Variants in ARHGEF11 observed in about 807,000 individuals in gnomAD.
ARHGEF11 encodes Rho guanine nucleotide exchange factor 11.
Under a neutral mutation model 193.7 loss-of-function variants are expected in ARHGEF11, and 55 were observed. That is an observed-to-expected ratio of 0.28 (90% CI 0.23 to 0.36). The LOEUF (loss-of-function observed/expected upper bound fraction) is 0.36. ARHGEF11 is among the 10% of genes least tolerant of loss of function. The pLI is 1.00. For synonymous variants in ARHGEF11, 693 were observed against 768.0 expected (o/e 0.90, Z 1.62); for missense variants, 1,723 against 2,005.6 (o/e 0.86, Z 2.69).
At chr1:157,025,769 A>T (rs973204051) in intron 1 of ARHGEF11, among the ~76,000 whole-genome samples, 4 of 152,088 alleles carry the variant, frequency 2.6e-5, no homozygotes, top group Non-Finnish European at 4.4e-5. Context: ...AGCTGGAAAG[A>T]TCTGTCAAAA....
At chr1:156,996,848 CCTCT>C (rs1313073211) in intron 1 of ARHGEF11, among the ~76,000 whole-genome samples, 45 of 139,862 alleles carry the variant, frequency 3.2e-4, no homozygotes, top group East Asian at 1.4e-3. Context: ...AGCTTAGGAA[CCTCT>C]CTCTCTATTT....
rs1300460318 is a variant in ARHGEF11, at chr1:157,044,797, G to A, written c.-467C>T. 8.7e-6 allele frequency: 3 copies of A among 344,422 alleles called. No individual in the cohort carries two copies. Among genetic ancestry groups the A allele is most frequent in the East Asian group, 8.8e-5 (2 of 22,830 alleles). 21.3% of individuals were successfully genotyped at this position (344,422 alleles called of 1,614,324 possible). ...GGCAAGAGACCCTCTAGCTCAAAGG[G>A]GGAAAGTAATTTTCTAGTCTCCAAT... On this transcript the variant is annotated 5_prime_UTR_variant, in exon 1 of 41. Transcript: ENST00000368194.
At chr1:156,956,139 C>T (rs1429092477) in intron 19 of ARHGEF11, among the ~76,000 whole-genome samples, 1 of 152,114 alleles carries the variant, frequency 6.6e-6, no homozygotes, top group Non-Finnish European at 1.5e-5. Flanking sequence ...TTTTTTCAGA[C>T]AGAGTCTCAC....
chr1:156,950,266 G>C (rs976814111), intron 22 of ARHGEF11, among the ~76,000 whole-genome samples: 1 of 152,018 alleles, frequency 6.6e-6, no homozygotes, highest in Non-Finnish European at 1.5e-5. Flanking sequence ...GCTGAAAAAA[G>C]GCTTCATATA....
At chr1:156,979,555 G>A (rs148315705) in intron 4 of ARHGEF11, among the ~76,000 whole-genome samples, 2,286 of 152,078 alleles carry the variant, frequency 0.015, 64 homozygotes, top group African/African-American at 0.053. Context: ...TAGGAGAGAT[G>A]GGGTTTCACT....
Position 156,971,794 on chromosome 1 carries a change from C to G in ARHGEF11, c.605G>C (p.Arg202Pro). ...CTCTTCCAGTAGGCTGGCGGGGTTC[C>G]GGCTATAGACCTCACAGATACGCTA... is the stretch of plus-strand genomic sequence containing the variant. ...ELQRICEVYS[R>P]NPASLLEEQI... Residue 202 changes from arginine to proline, a missense_variant, in exon 8 of 41, where the codon CGG becomes CCG. Physicochemically the swap from Arg to Pro is moderately radical, Grantham distance 103. This residue lies in a region of ARHGEF11 where 646 missense variants were observed against 710.7 expected (regional missense o/e 0.91). Transcript: ENST00000368194. 6.2e-7 allele frequency: 1 copy of G among 1,613,492 alleles called. No homozygotes were observed. Among genetic ancestry groups the G allele is most frequent in the South Asian group, 1.1e-5 (1 of 91,050 alleles).
chr1:157,010,197 C>A (rs541357632), intron 1 of ARHGEF11, among the ~76,000 whole-genome samples: 2 of 152,212 alleles, frequency 1.3e-5, no homozygotes, highest in African/African-American at 4.8e-5. Context: ...TTTAAAAACA[C>A]AAGAATGTCT....
At chr1:156,962,402 T>C (rs945866464) in intron 13 of ARHGEF11, among the ~76,000 whole-genome samples, 1 of 152,148 alleles carries the variant, frequency 6.6e-6, no homozygotes, top group African/African-American at 2.4e-5. Flanking sequence ...TTGAGCAGAA[T>C]AAGGAAACTG....
intron 1 of ARHGEF11, among the ~76,000 whole-genome samples, chr1:157,006,216 C>T (rs1667801783): frequency 1.3e-5 from 2 of 152,070 alleles, no homozygotes; most frequent in South Asian, 4.2e-4. Flanking sequence ...AAGGGATCCT[C>T]CTGCCTTAGA....
chr1:157,011,106 C>T (rs1170249903), intron 1 of ARHGEF11, among the ~76,000 whole-genome samples: 1 of 152,144 alleles, frequency 6.6e-6, no homozygotes. Context: ...CAGAAAGCTA[C>T]AGTAAGCAAG....
intron 11 of ARHGEF11, among the ~76,000 whole-genome samples, chr1:156,964,676 A>G (rs74873463): frequency 1.3e-5 from 2 of 152,312 alleles, no homozygotes; most frequent in East Asian, 3.9e-4. Flanking sequence ...CTCATTTATA[A>G]TTGAAAAAAG....
At position 156,942,051 on chromosome 1, in the gene ARHGEF11, C is replaced by T. The variant is rs568739039; in HGVS notation, c.3327-62G>A. The T allele has an allele frequency of 1.8e-4, 291 of 1,610,724 alleles. 4 individuals are homozygous for T. In the South Asian group the frequency reaches 2.8e-3, roughly 15 times the overall value. ...AGCAAGATAGCAGCACGCACCACCC[C>T]GTACTGAGCCCACTGGAACAGGGCT... On this transcript the variant is annotated intron_variant, in intron 33 of 40. Transcript: ENST00000368194.
intron 1 of ARHGEF11, among the ~76,000 whole-genome samples, chr1:157,013,299 A>ACACACACACACACACCCC (rs534893600): frequency 4.0e-5 from 6 of 148,622 alleles, no homozygotes; most frequent in Admixed American, 4.0e-4. Context: ...ACACACACAC[A>ACACACACACACACACCCC]CCAAGAACCT....
chr1:157,013,292 CA>C (rs1181441060), intron 1 of ARHGEF11, among the ~76,000 whole-genome samples: 7 of 150,778 alleles, frequency 4.6e-5, no homozygotes, highest in Non-Finnish European at 7.4e-5. Context: ...CACACACACA[CA>C]CACACACCAA....
chr1:156,974,647 C>G (rs1663013041), intron 7 of ARHGEF11, among the ~76,000 whole-genome samples: 1 of 152,180 alleles, frequency 6.6e-6, no homozygotes, highest in East Asian at 1.9e-4. Context: ...AAAGCTGGTA[C>G]CTGTAAGCAG....
chr1:157,009,930 TG>T (rs1217196568), intron 1 of ARHGEF11, among the ~76,000 whole-genome samples: 4 of 152,222 alleles, frequency 2.6e-5, no homozygotes, highest in Non-Finnish European at 1.5e-5. Context: ...ACCTGCTGCC[TG>T]GAGCACCTAT....
chr1:156,985,441 T>A (rs1486343568), intron 2 of ARHGEF11, among the ~76,000 whole-genome samples: 1 of 152,198 alleles, frequency 6.6e-6, no homozygotes, highest in African/African-American at 2.4e-5. Context: ...GGTTTTCTTT[T>A]GAGACAGAGT....
intron 1 of ARHGEF11, among the ~76,000 whole-genome samples, chr1:157,042,951 G>A (rs1672938764): frequency 6.6e-6 from 1 of 152,196 alleles, no homozygotes; most frequent in African/African-American, 2.4e-5. Context: ...AAACTGCAGA[G>A]AGGCCAACAG....
At position 156,936,255 on chromosome 1, in the gene ARHGEF11, C is replaced by T. The variant is rs371343451; in HGVS notation, c.4631-197G>A. 6.9e-5 allele frequency: 53 copies of T among 762,674 alleles called. No homozygotes were observed. The African/African-American group carries it at 7.5e-4, about 11-fold the overall frequency. 47.2% of individuals were successfully genotyped at this position (762,674 alleles called of 1,614,324 possible). ...TCATCAGCGCCTAAAGCCCTTAGGT[C>T]AGGTAGGTATGTGCCTTGTCTTCCT... On this transcript the variant is annotated intron_variant, in intron 40 of 40. Transcript: ENST00000368194.
Sources: gnomAD v4.1 joint callset for allele counts (sites outside exome capture counted in the v4.1 genomes callset) on GRCh38, gnomAD v4.1.1 for gene constraint, gnomAD v4.1.1 regional missense constraint, MANE v1.5 for transcripts, NCBI Gene and HGNC (gene_info 2026-07-23, HGNC 2026-07-21) for gene names.